RBFOX1: variants seen among roughly 807,000 people sequenced by gnomAD.
The protein encoded by RBFOX1 is RNA binding protein fox-1 homolog 1.
RBFOX1 carries 8 observed loss-of-function variants against 57.7 expected under a neutral mutation model. That is an observed-to-expected ratio of 0.14 (90% CI 0.08 to 0.25). The LOEUF (loss-of-function observed/expected upper bound fraction) is 0.25. RBFOX1 is among the 10% of genes least tolerant of loss of function. The probability of loss-of-function intolerance (pLI) is 1.00; values close to 1 mark genes in which losing one functional copy is unlikely to be tolerated. For synonymous variants in RBFOX1, 326 were observed against 222.4 expected (o/e 1.47, Z -4.15); for missense variants, 611 against 548.5 (o/e 1.11, Z -1.14).
At chr16:6,135,302 G>A (rs1247761789) in intron 1 of RBFOX1, among the ~76,000 whole-genome samples, 6 of 152,180 alleles carry the variant, frequency 3.9e-5, no homozygotes, top group Admixed American at 2.6e-4. Flanking sequence ...GTTTTCTATT[G>A]GAAAGCATTG....
intron 1 of RBFOX1, among the ~76,000 whole-genome samples, chr16:6,158,232 C>G (rs537312898): frequency 2.0e-5 from 3 of 152,292 alleles, no homozygotes; most frequent in African/African-American, 7.2e-5. Context: ...GGGCCTTGGA[C>G]TTGTCTGAAT....
rs1018178503 is a variant in RBFOX1 at position 7,272,193 on chromosome 16, AT to A, written c.27+220103del. 7.2e-5 allele frequency among the ~76,000 whole-genome samples: 11 copies of A among 151,860 alleles called. No individual in the cohort carries two copies. In the South Asian group the frequency reaches 2.3e-3, roughly 32 times the overall value. On this transcript the variant is annotated intron_variant, in intron 4 of 15. Coordinates refer to ENST00000550418, the MANE Select transcript of RBFOX1 (RefSeq NM_018723.4). ...CTTTGCTTGACCATTTCCCTATTTT[AT>A]TTTTTTTGAGAAAGAGTCTCGCTCT...
At chr16:7,637,220 A>G (rs1360647394) in intron 11 of RBFOX1, among the ~76,000 whole-genome samples, 3 of 151,980 alleles carry the variant, frequency 2.0e-5, no homozygotes, top group African/African-American at 7.3e-5. Flanking sequence ...AGTTAATAGA[A>G]GATTAATTAT....
intron 3 of RBFOX1, among the ~76,000 whole-genome samples, chr16:6,983,448 CT>C (rs1255901429): frequency 2.9e-3 from 374 of 130,878 alleles, no homozygotes; most frequent in South Asian, 5.0e-3. Flanking sequence ...GACTTGCTGG[CT>C]TTTTTTTTTT....
intron 4 of RBFOX1, among the ~76,000 whole-genome samples, chr16:7,246,924 C>A (rs1211906254): frequency 6.6e-6 from 1 of 152,086 alleles, no homozygotes; most frequent in East Asian, 1.9e-4. Context: ...CTCAATTTTC[C>A]CATTTTACGA....
intron 1 of RBFOX1, among the ~76,000 whole-genome samples, chr16:5,251,287 T>TGTGA (rs2062444449): frequency 6.6e-6 from 1 of 152,216 alleles, no homozygotes; most frequent in South Asian, 2.1e-4. Context: ...ATGGGGATAA[T>TGTGA]GTGATACTAC....
chr16:6,219,498 A>T (rs2097357866), intron 1 of RBFOX1, among the ~76,000 whole-genome samples: 1 of 152,146 alleles, frequency 6.6e-6, no homozygotes. Context: ...TTTTCTATTG[A>T]TCCAGTCGTG....
intron 2 of RBFOX1, among the ~76,000 whole-genome samples, chr16:5,510,353 C>T (rs761855696): frequency 3.9e-5 from 6 of 152,166 alleles, no homozygotes; most frequent in Non-Finnish European, 5.9e-5. Flanking sequence ...AGGGGGTCTG[C>T]CTGGTGTCTC....
chr16:5,953,309 T>C (rs1337048905), intron 4 of RBFOX1, among the ~76,000 whole-genome samples: 2 of 152,214 alleles, frequency 1.3e-5, no homozygotes, highest in Non-Finnish European at 1.5e-5. Context: ...GTTGTAAATA[T>C]TGCATGGGCA....
intron 5 of RBFOX1, among the ~76,000 whole-genome samples, chr16:7,544,807 T>A (rs931231534): frequency 8.5e-5 from 13 of 152,230 alleles, no homozygotes; most frequent in Non-Finnish European, 1.8e-4. Flanking sequence ...TGTTTTTGTT[T>A]TTGTTTTTTC....
At chr16:6,827,150 G>A (rs1330541078) in intron 3 of RBFOX1, among the ~76,000 whole-genome samples, 1 of 151,898 alleles carries the variant, frequency 6.6e-6, no homozygotes, top group Non-Finnish European at 1.5e-5. Context: ...CCATCCTAAA[G>A]AGGACACTAT....
intron 3 of RBFOX1, among the ~76,000 whole-genome samples, chr16:6,867,346 C>G (rs920547223): frequency 6.6e-6 from 1 of 151,852 alleles, no homozygotes; most frequent in Non-Finnish European, 1.5e-5. Context: ...AAGGAATAAC[C>G]TCTCTTGGGG....
At chr16:6,993,365 A>T (rs1186138323) in intron 3 of RBFOX1, among the ~76,000 whole-genome samples, 1 of 152,176 alleles carries the variant, frequency 6.6e-6, no homozygotes, top group Non-Finnish European at 1.5e-5. Context: ...GCAAATCCTC[A>T]TTTAGCTCCT....
At chr16:7,090,403 C>G (rs1034028808) in intron 4 of RBFOX1, among the ~76,000 whole-genome samples, 2 of 152,100 alleles carry the variant, frequency 1.3e-5, no homozygotes, top group East Asian at 1.9e-4. Context: ...TCTCCCTTCT[C>G]TAGACTGACT....
intron 1 of RBFOX1, among the ~76,000 whole-genome samples, chr16:5,323,037 T>G (rs2064457349): frequency 6.6e-6 from 1 of 152,186 alleles, no homozygotes; most frequent in Non-Finnish European, 1.5e-5. Context: ...TCTCCTTGGA[T>G]AAGTCATTCT....
At chr16:5,322,458 A>C (rs910722021) in intron 1 of RBFOX1, among the ~76,000 whole-genome samples, 1 of 152,086 alleles carries the variant, frequency 6.6e-6, no homozygotes, top group Non-Finnish European at 1.5e-5. Flanking sequence ...CCAGAGGTGC[A>C]CTGTTAGCCT....
At chr16:5,897,008 T>C (rs931957161) in intron 4 of RBFOX1, among the ~76,000 whole-genome samples, 3 of 136,612 alleles carry the variant, frequency 2.2e-5, no homozygotes, top group African/African-American at 5.4e-5. Flanking sequence ...TAAAAATGTA[T>C]CCATCCGCTT....
intron 1 of RBFOX1, among the ~76,000 whole-genome samples, chr16:5,322,403 A>T (rs1411489357): frequency 2.0e-5 from 3 of 152,016 alleles, no homozygotes; most frequent in Non-Finnish European, 2.9e-5. Flanking sequence ...TTGGGGTAGG[A>T]TGAGCCTTTT....
At chr16:7,707,445 G>A (rs2082835364) in intron 14 of RBFOX1, among the ~76,000 whole-genome samples, 1 of 152,112 alleles carries the variant, frequency 6.6e-6, no homozygotes, top group Non-Finnish European at 1.5e-5. Context: ...GGGCTCTAAG[G>A]GATGAGAGAC....
Sources: allele counts gnomAD v4.1 joint callset (sites outside exome capture counted in the v4.1 genomes callset), GRCh38; gene constraint gnomAD v4.1.1; transcripts MANE v1.5; gene names NCBI Gene and HGNC (gene_info 2026-07-23, HGNC 2026-07-21).